RIMKLA: variants seen among roughly 807,000 people sequenced by gnomAD.
RIMKLA encodes the protein N-acetylaspartylglutamate synthase A.
A neutral mutation model predicts 32.7 loss-of-function variants in RIMKLA; 14 were observed. The observed-to-expected ratio is 0.43, with a 90% CI of 0.28 to 0.67. The LOEUF is 0.67. Ranked by LOEUF, RIMKLA falls within the 30% of genes least tolerant of loss-of-function variation. The probability of loss-of-function intolerance (pLI) is 0.18; values close to 1 mark genes in which losing one functional copy is unlikely to be tolerated. For synonymous variants in RIMKLA, 176 were observed against 204.1 expected (o/e 0.86, Z 1.18); for missense variants, 410 against 519.0 (o/e 0.79, Z 2.04).
chr1:42,388,637 G>A (rs1642971817), intron 1 of RIMKLA, among the ~76,000 whole-genome samples: 1 of 151,462 alleles, frequency 6.6e-6, no homozygotes, highest in South Asian at 2.1e-4. Context: ...CTCTGCCGCA[G>A]CCTCCCAAGT....
chr1:42,384,421 A>G (rs1386189090), intron 1 of RIMKLA, among the ~76,000 whole-genome samples: 1 of 151,662 alleles, frequency 6.6e-6, no homozygotes, highest in African/African-American at 2.4e-5. Context: ...CCCTAGGGAT[A>G]AAGTGATGAA....
At chr1:42,399,297 A>G in intron 1 of RIMKLA, 107 bp from the exon 2 acceptor site, 1 of 806,604 alleles carries the variant, frequency 1.2e-6, no homozygotes, top group Non-Finnish European at 1.9e-6. Context: ...GCCAATTTTG[A>G]GGCTCTGTTC....
chr1:42,414,805 CAG>C lies in RIMKLA; in HGVS notation c.1012_1013del (p.Ser338ArgfsTer11). 6.2e-7 allele frequency: 1 copy of C among 1,614,158 alleles called. No individual in the cohort carries two copies. The highest frequency in any genetic ancestry group is 8.5e-7 in the Non-Finnish European group (1 of 1,180,016). ...GGCTGTGCTTCAGCTCAGGGAGTTG[CAG>C]AGAGCGTCTATACCATCAACAGTGG... On this transcript the variant is annotated frameshift_variant, in exon 5 of 5. Coordinates refer to ENST00000431473, the MANE Select transcript of RIMKLA (RefSeq NM_173642.4). LOFTEE classifies it high-confidence loss of function.
chr1:42,421,110 C>T lies in RIMKLA; in HGVS notation c.*6136C>T, dbSNP rs1643291572. The T allele has an allele frequency of 6.6e-6, 1 of 152,236 alleles. No individual in the cohort carries two copies. Among genetic ancestry groups the T allele is most frequent in the African/African-American group, 2.4e-5 (1 of 41,456 alleles). The allele number at this position is 152,236 out of a possible 1,614,324, so 9.4% of individuals were successfully genotyped here. A position where few individuals can be genotyped will look rare whatever the true frequency, so the allele number is the denominator to read the frequency against. ...AGCATGCTGTGGTTCAGGCTAATGA[C>T]TGGAAGGTCCCATCCATCCTTGAGA... is the stretch of plus-strand genomic sequence containing the variant. On this transcript the variant is annotated 3_prime_UTR_variant, in exon 5 of 5. Coordinates refer to ENST00000431473, the MANE Select transcript of RIMKLA (RefSeq NM_173642.4). This position sits in a 1 kb window ranked among gnomAD's most constrained non-coding sequence, Gnocchi z 4.6.
At chr1:42,390,036 C>CTT (rs35754511) in intron 1 of RIMKLA, among the ~76,000 whole-genome samples, 1,132 of 111,644 alleles carry the variant, frequency 0.01, 17 homozygotes, top group South Asian at 0.022. Context: ...TTTTCTTTTC[C>CTT]TTTTTTTTTT....
intron 3 of RIMKLA, among the ~76,000 whole-genome samples, chr1:42,406,721 C>G (rs1249783241): frequency 6.6e-6 from 1 of 152,076 alleles, no homozygotes; most frequent in Non-Finnish European, 1.5e-5. Flanking sequence ...TTATAGCTAT[C>G]TAGTGAGTGT....
chr1:42,381,014 G>C lies in RIMKLA; in HGVS notation c.80G>C (p.Arg27Pro), dbSNP rs1272410284. The part of the protein sequence containing the change: ...YPQVQILRAL[R>P]QRCSEQDVRF... The stretch of plus-strand genomic sequence containing the variant: ...CAGGTGCAGATCCTGCGCGCCCTCC[G>C]GCAGCGCTGCTCCGAGCAGGACGTG... Residue 27 changes from arginine to proline, a missense_variant, in exon 1 of 5, where the codon CGG becomes CCG. Arg to Pro is a moderately radical substitution (Grantham distance 103). Coordinates refer to ENST00000431473, the MANE Select transcript of RIMKLA (RefSeq NM_173642.4). 2 of 1,425,980 alleles carry C rather than the reference G, an allele frequency of 1.4e-6. No individual in the cohort carries two copies. Among genetic ancestry groups the C allele is most frequent in the Admixed American group, 2.7e-5 (1 of 36,366 alleles). The allele number at this position is 1,425,980 out of a possible 1,614,324, so 88.3% of individuals were successfully genotyped here.
chr1:42,385,112 A>C lies in RIMKLA; in HGVS notation c.163+4015A>C, dbSNP rs11210629. 6.2e-3 allele frequency among the ~76,000 whole-genome samples: 950 copies of C among 152,308 alleles called. 8 individuals are homozygous for C. The highest frequency in any genetic ancestry group is 0.021 in the African/African-American group (862 of 41,566). ...TTTATATCCCCCCTCCCTCTGAAGA[A>C]CCAGGATTCCTCAAATGTGTGCTTC... is the stretch of plus-strand genomic sequence containing the variant. On this transcript the variant is annotated intron_variant, in intron 1 of 4. Transcript: ENST00000431473.
chr1:42,390,036 CTT>C lies in RIMKLA; in HGVS notation c.163+8958_163+8959del, dbSNP rs35754511. On this transcript the variant is annotated intron_variant, in intron 1 of 4. Coordinates refer to ENST00000431473, the MANE Select transcript of RIMKLA (RefSeq NM_173642.4). The stretch of plus-strand genomic sequence containing the variant: ...ACAGGATTCAGAGGATTTTCTTTTC[CTT>C]TTTTTTTTTTTTTTTTTTGAGACGG... Among the ~76,000 whole-genome samples the C allele has an allele frequency of 2.9e-3, 319 of 111,616 alleles. 2 individuals are homozygous for C. The highest frequency in any genetic ancestry group is 6.3e-3 in the African/African-American group (188 of 29,830). The allele number at this position is 111,616 out of a possible 152,430, so 73.2% of individuals were successfully genotyped here.
intron 4 of RIMKLA, among the ~76,000 whole-genome samples, chr1:42,410,939 T>C (rs1442819528): frequency 6.6e-6 from 1 of 152,214 alleles, no homozygotes; most frequent in Non-Finnish European, 1.5e-5. Flanking sequence ...CTTTCATTGA[T>C]AGTCATTGAG....
intron 1 of RIMKLA, among the ~76,000 whole-genome samples, chr1:42,394,441 T>A (rs1045321533): frequency 3.3e-5 from 5 of 152,226 alleles, no homozygotes; most frequent in African/African-American, 1.2e-4. Context: ...TCAAATCAAT[T>A]CCAAGGATCT....
intron 1 of RIMKLA, among the ~76,000 whole-genome samples, chr1:42,386,600 G>C (rs970799325): frequency 3.3e-5 from 5 of 151,402 alleles, no homozygotes; most frequent in Non-Finnish European, 5.9e-5. Context: ...AATTGGGGGG[G>C]TGCTGTGGCA....
intron 3 of RIMKLA, 132 bp downstream of exon 3, chr1:42,404,729 C>T: frequency 1.6e-6 from 1 of 612,250 alleles, no homozygotes; most frequent in Non-Finnish European, 2.9e-6. Context: ...GTGTTTCTTT[C>T]TCTTTGTCCT....
intron 1 of RIMKLA, among the ~76,000 whole-genome samples, chr1:42,381,526 G>C (rs142397402): frequency 3.5e-4 from 53 of 152,284 alleles, no homozygotes; most frequent in Admixed American, 1.2e-3. Flanking sequence ...AAAGTTTTTT[G>C]GGAGTGTGTG....
rs369786340 is a variant in RIMKLA at position 42,399,569 on chromosome 1, A to G, written c.329A>G (p.Asn110Ser). 1.9e-6 allele frequency: 3 copies of G among 1,613,318 alleles called. No homozygotes were observed. The highest frequency in any genetic ancestry group is 1.6e-4 in the Middle Eastern group (1 of 6,084). ...CCACAGAGCATCTTAAATTGCATCA[A>G]CAAATTCTGGACGTTCCAAGAACTG... Reference protein sequence around the residue: ...NRPQSILNCINKFWTFQELAG... With the variant: ...NRPQSILNCISKFWTFQELAG... The change falls in exon 2 of 5, where the codon AAC becomes AGC. Residue 110 changes from asparagine (N) to serine (S), a missense_variant. Asn to Ser is a conservative substitution (Grantham distance 46, BLOSUM62 1). Transcript: ENST00000431473.
chr1:42,392,438 C>G (rs1394955496), intron 1 of RIMKLA, among the ~76,000 whole-genome samples: 7 of 152,174 alleles, frequency 4.6e-5, no homozygotes, highest in Non-Finnish European at 8.8e-5. Flanking sequence ...CCTGTCAACT[C>G]CCATGCCCAG....
Position 42,414,996 on chromosome 1 carries a change from T to A in RIMKLA, c.*22T>A. The A allele has an allele frequency of 6.3e-7, 1 of 1,577,938 alleles. No individual in the cohort carries two copies. The highest frequency in any genetic ancestry group is 8.6e-7 in the Non-Finnish European group (1 of 1,163,330). On this transcript the variant is annotated 3_prime_UTR_variant, in exon 5 of 5. Transcript: ENST00000431473. ...GTGAATTCCTGCTTTTTGGCAGCAT[T>A]TAAACCAAATCCTACTGCTTCCCTA...
At position 42,416,097 on chromosome 1, in the gene RIMKLA, G is replaced by C. The variant is rs1019243712; in HGVS notation, c.*1123G>C. ...CCATTGCACATTTTGCGGGGGGGGG[G>C]GCTAATGTAGACATGACACCAAGTG... On this transcript the variant is annotated 3_prime_UTR_variant, in exon 5 of 5. Coordinates refer to ENST00000431473, the MANE Select transcript of RIMKLA (RefSeq NM_173642.4). 3 of 129,964 alleles carry C rather than the reference G, an allele frequency of 2.3e-5. No individual in the cohort carries two copies. The highest frequency in any genetic ancestry group is 7.8e-5 in the Admixed American group (1 of 12,774). 8.1% of individuals were successfully genotyped at this position (129,964 alleles called of 1,614,324 possible). A position where few individuals can be genotyped will look rare whatever the true frequency, so the allele number is the denominator to read the frequency against.
At chr1:42,405,066 G>A (rs1012988059) in intron 3 of RIMKLA, among the ~76,000 whole-genome samples, 36 of 152,240 alleles carry the variant, frequency 2.4e-4, no homozygotes, top group Middle Eastern at 3.4e-3. Flanking sequence ...CATTCACCAA[G>A]TAGACCGTGC....
Sources: gnomAD v4.1 joint callset for allele counts (sites outside exome capture counted in the v4.1 genomes callset) on GRCh38, gnomAD v4.1.1 for gene constraint, Gnocchi (gnomAD v3.1) non-coding constraint, MANE v1.5 for transcripts, NCBI Gene and HGNC (gene_info 2026-07-23, HGNC 2026-07-21) for gene names.